AGAP1: variants seen among roughly 807,000 people sequenced by gnomAD.
The protein encoded by AGAP1 is ArfGAP with GTPase domain, ankyrin repeat and PH domain 1, also known as arf-GAP with GTPase, ANK repeat and PH domain-containing protein 1.
In AGAP1, 29 loss-of-function variants were observed where a neutral mutation model predicts 105.3. The observed-to-expected ratio is 0.28, with a 90% CI of 0.21 to 0.38. The LOEUF is 0.38. Among genes scored for constraint, AGAP1 ranks in the 10% least tolerant of loss-of-function variants. The pLI is 1.00. For synonymous variants in AGAP1, 509 were observed against 485.9 expected (o/e 1.05, Z -0.63); for missense variants, 998 against 1,165.1 (o/e 0.86, Z 2.09).
chr2:235,725,617 A>C lies in AGAP1; in HGVS notation c.310+7973A>C, dbSNP rs953531274. On this transcript the variant is annotated intron_variant, in intron 3 of 17. Coordinates refer to ENST00000304032, the MANE Select transcript of AGAP1 (RefSeq NM_001037131.3). This position sits in a 1 kb window ranked among gnomAD's most constrained non-coding sequence, Gnocchi z 5.7. ...GACCGTTAGTTGCAACCAAGTGATT[A>C]TAAACACATGATAATTTTTTAATGA... Among the ~76,000 whole-genome samples the C allele has an allele frequency of 6.6e-6, 1 of 152,228 alleles. No individual in the cohort carries two copies. Among genetic ancestry groups the C allele is most frequent in the Non-Finnish European group, 1.5e-5 (1 of 68,040 alleles).
chr2:235,712,451 G>A lies in AGAP1; in HGVS notation c.222+3214G>A, dbSNP rs1294083248. Among the ~76,000 whole-genome samples, 1 of 152,236 alleles carries A rather than the reference G, an allele frequency of 6.6e-6. No individual in the cohort carries two copies. Among genetic ancestry groups the A allele is most frequent in the Non-Finnish European group, 1.5e-5 (1 of 68,054 alleles). On this transcript the variant is annotated intron_variant, in intron 2 of 17. Coordinates refer to ENST00000304032, the MANE Select transcript of AGAP1 (RefSeq NM_001037131.3). This position sits in a 1 kb window ranked among gnomAD's most constrained non-coding sequence, Gnocchi z 6.0. ...GCTTGATGCTTCTGTCAGAGGGGAAGGCACATAGGCTCTGGACATCTTGCC... is the reference window on the plus strand; with the variant it reads ...GCTTGATGCTTCTGTCAGAGGGGAAAGCACATAGGCTCTGGACATCTTGCC...
intron 1 of AGAP1, among the ~76,000 whole-genome samples, chr2:235,505,048 T>C (rs1559207420): frequency 6.6e-6 from 1 of 152,200 alleles, no homozygotes; most frequent in Non-Finnish European, 1.5e-5. Flanking sequence ...GGACTCTTTC[T>C]GGCTGAGCCC....
rs769550529 is a variant in AGAP1, at chr2:235,621,471, C to T, written c.164-87708C>T. 6.6e-6 allele frequency among the ~76,000 whole-genome samples: 1 copy of T among 152,176 alleles called. No homozygotes were observed. The highest frequency in any genetic ancestry group is 1.5e-5 in the Non-Finnish European group (1 of 68,036). On this transcript the variant is annotated intron_variant, in intron 1 of 17. Coordinates refer to ENST00000304032, the MANE Select transcript of AGAP1 (RefSeq NM_001037131.3). The surrounding 1 kb of genome is among the most constrained non-coding windows in gnomAD (Gnocchi z 4.1). ...CCAGAGCCTCTGCTGCTGCCATTGG[C>T]GTTGGCACCATTCTTACCTCCTATA...
At chr2:235,527,319 C>A (rs935542280) in intron 1 of AGAP1, among the ~76,000 whole-genome samples, 2 of 152,180 alleles carry the variant, frequency 1.3e-5, no homozygotes, top group Non-Finnish European at 2.9e-5. Context: ...AAAAATTGCA[C>A]TCCATTCCTG....
At chr2:235,604,224 A>G (rs1242251069) in intron 1 of AGAP1, among the ~76,000 whole-genome samples, 1 of 152,130 alleles carries the variant, frequency 6.6e-6, no homozygotes, top group Non-Finnish European at 1.5e-5. Context: ...CTTGCCTGGT[A>G]ATACTGGCAC....
chr2:235,949,410 G>A (rs1029287708), intron 12 of AGAP1, among the ~76,000 whole-genome samples: 31 of 152,094 alleles, frequency 2.0e-4, no homozygotes, highest in African/African-American at 7.2e-4. Flanking sequence ...GAGGGCGGTG[G>A]CCAGGGGGTG....
chr2:235,517,160 T>C lies in AGAP1; in HGVS notation c.163+22311T>C, dbSNP rs1490911747. ...TCCCATTCTGTGCCTCACCTGGTCT[T>C]TTCCGTGTGTGTGGTCTTCAGTGTT... is the stretch of plus-strand genomic sequence containing the variant. On this transcript the variant is annotated intron_variant, in intron 1 of 17. Coordinates refer to ENST00000304032, the MANE Select transcript of AGAP1 (RefSeq NM_001037131.3). This position sits in a 1 kb window ranked among gnomAD's most constrained non-coding sequence, Gnocchi z 4.1. Among the ~76,000 whole-genome samples the C allele has an allele frequency of 1.3e-5, 2 of 152,218 alleles. No homozygotes were observed. Among genetic ancestry groups the C allele is most frequent in the Non-Finnish European group, 2.9e-5 (2 of 68,044 alleles).
At chr2:236,030,581 T>A (rs1400802184) in intron 13 of AGAP1, among the ~76,000 whole-genome samples, 1 of 152,226 alleles carries the variant, frequency 6.6e-6, no homozygotes, top group Non-Finnish European at 1.5e-5. Flanking sequence ...CAGGGTAGCC[T>A]TCACTTTTGC....
intron 1 of AGAP1, among the ~76,000 whole-genome samples, chr2:235,533,457 C>T (rs1319961822): frequency 6.6e-6 from 1 of 152,106 alleles, no homozygotes; most frequent in Admixed American, 6.5e-5. Context: ...ATTATAATTA[C>T]TGTTGTATAG....
intron 1 of AGAP1, among the ~76,000 whole-genome samples, chr2:235,702,090 C>T (rs575928729): frequency 6.6e-6 from 1 of 152,208 alleles, no homozygotes; most frequent in South Asian, 2.1e-4. Context: ...TGTATAATTT[C>T]ACGAGTTTTG....
In AGAP1 at chr2:235,882,260, T is replaced by C. The variant is rs2050062635; in HGVS notation, c.1051-1085T>C. On this transcript the variant is annotated intron_variant, in intron 9 of 17. Transcript: ENST00000304032. The surrounding 1 kb of genome is among the most constrained non-coding windows in gnomAD (Gnocchi z 4.6). ...TGGCATCGGTGCAGAGTGCCCAGGT[T>C]CACAATGCAGCTTGTGGCTCGTGTC... 3.7e-6 allele frequency: 2 copies of C among 533,730 alleles called. No individual in the cohort carries two copies. The highest frequency in any genetic ancestry group is 6.9e-6 in the Non-Finnish European group (2 of 290,952). 33.1% of individuals were successfully genotyped at this position (533,730 alleles called of 1,614,324 possible).
At chr2:236,017,827 A>G (rs1283701498) in intron 13 of AGAP1, among the ~76,000 whole-genome samples, 1 of 152,164 alleles carries the variant, frequency 6.6e-6, no homozygotes, top group Non-Finnish European at 1.5e-5. Flanking sequence ...GGTAGGTATC[A>G]TGTTATGGAT....
intron 1 of AGAP1, among the ~76,000 whole-genome samples, chr2:235,508,873 C>A (rs944922983): frequency 6.6e-6 from 1 of 152,210 alleles, no homozygotes; most frequent in African/African-American, 2.4e-5. Flanking sequence ...TGCATCAAAG[C>A]GATTTGCCCA....
rs1296861207 is a variant in AGAP1 at position 236,073,048 on chromosome 2, T to G, written c.2114+23767T>G. Among the ~76,000 whole-genome samples, 1 of 151,670 alleles carries G rather than the reference T, an allele frequency of 6.6e-6. No individual in the cohort carries two copies. Among genetic ancestry groups the G allele is most frequent in the Non-Finnish European group, 1.5e-5 (1 of 67,962 alleles). Reference sequence around the variant, plus strand: ...GTCTCGCTGTGTCTCCAGGCTGGAGTGCAGTGGTGCAATCTCAGCTCACTG... The same window carrying G: ...GTCTCGCTGTGTCTCCAGGCTGGAGGGCAGTGGTGCAATCTCAGCTCACTG... On this transcript the variant is annotated intron_variant, in intron 16 of 17. Coordinates refer to ENST00000304032, the MANE Select transcript of AGAP1 (RefSeq NM_001037131.3). The surrounding 1 kb of genome is among the most constrained non-coding windows in gnomAD (Gnocchi z 5.4).
chr2:235,855,000 G>C (rs1282785001), intron 9 of AGAP1, among the ~76,000 whole-genome samples: 1 of 152,106 alleles, frequency 6.6e-6, no homozygotes, highest in Non-Finnish European at 1.5e-5. Context: ...CCCGCCATGA[G>C]GTCTGCCTCC....
chr2:235,853,197 G>A, intron 9 of AGAP1: 2 of 1,052,334 alleles, frequency 1.9e-6, no homozygotes, highest in Non-Finnish European at 2.3e-6. Flanking sequence ...TAAAATCCAA[G>A]ATTGAGCGGA....
rs145227053 is a variant in AGAP1 at position 235,615,021 on chromosome 2, T to A, written c.164-94158T>A. ...AGGAGGCTGTTCAAGGTGAGTGGTTTTCCTGGCGGTGTGGTTTTTTAAAAT... is the reference window on the plus strand; with the variant it reads ...AGGAGGCTGTTCAAGGTGAGTGGTTATCCTGGCGGTGTGGTTTTTTAAAAT... On this transcript the variant is annotated intron_variant, in intron 1 of 17. Coordinates refer to ENST00000304032, the MANE Select transcript of AGAP1 (RefSeq NM_001037131.3). The surrounding 1 kb of genome is among the most constrained non-coding windows in gnomAD (Gnocchi z 5.0). Among the ~76,000 whole-genome samples the A allele has an allele frequency of 4.4e-3, 673 of 152,334 alleles. 2 individuals carry two copies. The highest frequency in any genetic ancestry group is 0.016 in the African/African-American group (659 of 41,584).
chr2:235,650,315 TTGTGCCAC>T (rs2149321579), intron 1 of AGAP1, among the ~76,000 whole-genome samples: 1 of 152,296 alleles, frequency 6.6e-6, no homozygotes, highest in South Asian at 2.1e-4. Flanking sequence ...TGAGCCGAGA[TTGTGCCAC>T]TGCACTCCAG....
chr2:235,852,412 C>T (rs562064031), intron 9 of AGAP1, among the ~76,000 whole-genome samples: 1 of 152,298 alleles, frequency 6.6e-6, no homozygotes, highest in East Asian at 1.9e-4. Context: ...GGGGGGGAAC[C>T]CCGAAACAGG....
Sources: allele counts gnomAD v4.1 joint callset (sites outside exome capture counted in the v4.1 genomes callset), GRCh38; gene constraint gnomAD v4.1.1; non-coding constraint Gnocchi (gnomAD v3.1); transcripts MANE v1.5; gene names NCBI Gene and HGNC (gene_info 2026-07-23, HGNC 2026-07-21).